The following USP6NL variants were observed in gnomAD, a reference collection of about 807,000 sequenced individuals.
USP6NL encodes the protein USP6 N-terminal-like protein.
USP6NL carries 26 observed loss-of-function variants against 61.9 expected under a neutral mutation model. That is an observed-to-expected ratio of 0.42 (90% CI 0.31 to 0.58). USP6NL has a LOEUF of 0.58. Among genes scored for constraint, USP6NL ranks in the 20% least tolerant of loss-of-function variants. USP6NL has a pLI of 0.16. For missense variants in USP6NL, 1,114 were observed against 1,034.3 expected (o/e 1.08, Z -1.06); for synonymous variants, 432 against 390.1 (o/e 1.11, Z -1.27).
At chr10:11,531,929 A>T (rs1396836763) in intron 2 of USP6NL, among the ~76,000 whole-genome samples, 1 of 152,208 alleles carries the variant, frequency 6.6e-6, no homozygotes, top group Non-Finnish European at 1.5e-5. Context: ...TTCTAAGATG[A>T]CCTGTTTTTC....
At position 11,585,629 on chromosome 10, in the gene USP6NL, C is replaced by T. The variant is rs147427694; in HGVS notation, c.4+12002G>A. Among the ~76,000 whole-genome samples the T allele has an allele frequency of 9.9e-5, 15 of 152,098 alleles. No individual in the cohort carries two copies. Among genetic ancestry groups the T allele is most frequent in the African/African-American group, 3.4e-4 (14 of 41,494 alleles). Reference sequence around the variant, plus strand: ...GTGAGCCGTGATCAAGGACACTGCACTCCAGCCTGGGAAACAGAGTGAGAC... The same window carrying T: ...GTGAGCCGTGATCAAGGACACTGCATTCCAGCCTGGGAAACAGAGTGAGAC... On this transcript the variant is annotated intron_variant, in intron 2 of 14. Coordinates refer to ENST00000609104, the MANE Select transcript of USP6NL (RefSeq NM_014688.5). The surrounding 1 kb of genome is among the most constrained non-coding windows in gnomAD (Gnocchi z 4.5).
chr10:11,498,235 CAAA>C lies in USP6NL; in HGVS notation c.384+2863_384+2865del, dbSNP rs11341542. 4.5e-3 allele frequency among the ~76,000 whole-genome samples: 173 copies of C among 38,794 alleles called. 1 individual carries two copies. The highest frequency in any genetic ancestry group is 0.02 in the Middle Eastern group (1 of 50). 25.5% of individuals were successfully genotyped at this position (38,794 alleles called of 152,430 possible). A position where few individuals can be genotyped will look rare whatever the true frequency, so the allele number is the denominator to read the frequency against. On this transcript the variant is annotated intron_variant, in intron 7 of 14. Coordinates refer to ENST00000609104, the MANE Select transcript of USP6NL (RefSeq NM_014688.5). The stretch of plus-strand genomic sequence containing the variant: ...TGGGCAACAGAGTGACACTCTGTCT[CAAA>C]AAAAAAAAAAAAAAAAAAAAAAATT...
In USP6NL at chr10:11,525,065, G is replaced by C. The variant is rs147063526; in HGVS notation, c.155+321C>G. 6.6e-6 allele frequency among the ~76,000 whole-genome samples: 1 copy of C among 152,100 alleles called. No homozygotes were observed. Among genetic ancestry groups the C allele is most frequent in the African/African-American group, 2.4e-5 (1 of 41,494 alleles). ...TGCTATTTATTTTTAAAATGCGCTG[G>C]TACAGAATGAAATGTTTTATAATTA... On this transcript the variant is annotated intron_variant, in intron 4 of 14. Transcript: ENST00000609104. The surrounding 1 kb of genome is among the most constrained non-coding windows in gnomAD (Gnocchi z 5.0).
Position 11,476,681 on chromosome 10 carries a change from C to G in USP6NL, c.1078+5089G>C, listed in dbSNP as rs1832979625. On this transcript the variant is annotated intron_variant, in intron 14 of 14. Transcript: ENST00000609104. This position sits in a 1 kb window ranked among gnomAD's most constrained non-coding sequence, Gnocchi z 4.3. ...ACACAAAAACCCCCACAAAACTCCT[C>G]TTCACACAAATCTAGTCAATGAAAA... 6.6e-6 allele frequency among the ~76,000 whole-genome samples: 1 copy of G among 152,102 alleles called. No individual in the cohort carries two copies. Among genetic ancestry groups the G allele is most frequent in the African/African-American group, 2.4e-5 (1 of 41,398 alleles).
At chr10:11,566,009 C>T (rs545519025) in intron 2 of USP6NL, among the ~76,000 whole-genome samples, 5 of 152,058 alleles carry the variant, frequency 3.3e-5, no homozygotes, top group Admixed American at 6.6e-5. Context: ...AGTTTATATG[C>T]CATTGGAAGA....
In USP6NL at chr10:11,598,541, T is replaced by C. The variant is rs1838403874; in HGVS notation, c.-83-824A>G. On this transcript the variant is annotated intron_variant, in intron 1 of 14. Transcript: ENST00000609104. This position sits in a 1 kb window ranked among gnomAD's most constrained non-coding sequence, Gnocchi z 4.7. The stretch of plus-strand genomic sequence containing the variant: ...TTAATGCTATATTTAAACATAACCA[T>C]GGATGCACAAATGCCTACCTAAATC... 6.6e-6 allele frequency among the ~76,000 whole-genome samples: 1 copy of C among 152,214 alleles called. No individual in the cohort carries two copies. Among genetic ancestry groups the C allele is most frequent in the Non-Finnish European group, 1.5e-5 (1 of 68,036 alleles).
At chr10:11,558,778 A>T (rs1836813910) in intron 2 of USP6NL, among the ~76,000 whole-genome samples, 1 of 152,170 alleles carries the variant, frequency 6.6e-6, no homozygotes, top group Non-Finnish European at 1.5e-5. Context: ...ACTCAAACAG[A>T]TCCATCCCTC....
chr10:11,594,671 G>A (rs1437124185), intron 2 of USP6NL, among the ~76,000 whole-genome samples: 1 of 152,014 alleles, frequency 6.6e-6, no homozygotes, highest in Admixed American at 6.5e-5. Flanking sequence ...GCTTTGTCTC[G>A]GGCCACACTC....
In USP6NL at chr10:11,499,579, T is replaced by C. The variant is rs914158303; in HGVS notation, c.384+1522A>G. Among the ~76,000 whole-genome samples, 1 of 151,950 alleles carries C rather than the reference T, an allele frequency of 6.6e-6. No homozygotes were observed. Among genetic ancestry groups the C allele is most frequent in the Non-Finnish European group, 1.5e-5 (1 of 67,998 alleles). On this transcript the variant is annotated intron_variant, in intron 7 of 14. Transcript: ENST00000609104. This position sits in a 1 kb window ranked among gnomAD's most constrained non-coding sequence, Gnocchi z 4.5. ...GGATGAGGGTGGACCCTACATGCAA[T>C]AACTATTGTCCCTATCAGGAAAGAC...
rs781743530 is a variant in USP6NL, at chr10:11,501,112, C to T, written c.373G>A (p.Asp125Asn). Residue 125 changes from aspartate to asparagine, a missense_variant, in exon 7 of 15, where the codon GAC becomes AAC. By Grantham distance (23) the Asp-to-Asn change is conservative (BLOSUM62 1). Coordinates refer to ENST00000609104, the MANE Select transcript of USP6NL (RefSeq NM_014688.5). ...EIPKMKEETR[D>N]LYSKLKHRAR... ...CTTTAGCTACTCACACTATACAGGT[C>T]CCTTGTTTCTTCTTTCATTTTAGGG... 1 of 1,610,784 alleles carries T rather than the reference C, an allele frequency of 6.2e-7. No homozygotes were observed. The highest frequency in any genetic ancestry group is 8.5e-7 in the Non-Finnish European group (1 of 1,178,642).
rs1588427280 is a variant in USP6NL, at chr10:11,604,799, T to C, written c.-84+6644A>G. On this transcript the variant is annotated intron_variant, in intron 1 of 14. Coordinates refer to ENST00000609104, the MANE Select transcript of USP6NL (RefSeq NM_014688.5). ...TCTGCTTTAAAAATTAGTGTACTGC[T>C]TCACAATCAGACCCTTCTACCTAAG... 2.0e-5 allele frequency among the ~76,000 whole-genome samples: 3 copies of C among 152,304 alleles called. No homozygotes were observed. In the East Asian group the frequency reaches 5.8e-4, roughly 29 times the overall value.
In USP6NL at chr10:11,573,267, A is replaced by C. The variant is rs143697494; in HGVS notation, c.4+24364T>G. 1.6e-4 allele frequency among the ~76,000 whole-genome samples: 25 copies of C among 152,334 alleles called. No individual in the cohort carries two copies. The East Asian group carries it at 4.8e-3, about 29-fold the overall frequency. On this transcript the variant is annotated intron_variant, in intron 2 of 14. Transcript: ENST00000609104. ...ATGAATATTTATATTTTAAAATTAAAAGAAATGAGGATTACAAAAATTATT... is the reference window on the plus strand; with the variant it reads ...ATGAATATTTATATTTTAAAATTAACAGAAATGAGGATTACAAAAATTATT...
chr10:11,514,769 A>C (rs923278748), intron 5 of USP6NL, among the ~76,000 whole-genome samples: 1 of 152,196 alleles, frequency 6.6e-6, no homozygotes, highest in Non-Finnish European at 1.5e-5. Flanking sequence ...CTCACCAATG[A>C]AATTTTTATA....
intron 1 of USP6NL, among the ~76,000 whole-genome samples, chr10:11,605,082 A>T (rs561753180): frequency 6.6e-6 from 1 of 152,350 alleles, no homozygotes; most frequent in South Asian, 2.1e-4. Context: ...GAGGAAGGAT[A>T]TCAAACAGCT....
chr10:11,596,623 C>T lies in USP6NL; in HGVS notation c.4+1008G>A, dbSNP rs979138896. ...TGGGCGACAGAGGGAGACTCCGTCT[C>T]AAAAAAAAAAAAAAAAACTCTTTCT... On this transcript the variant is annotated intron_variant, in intron 2 of 14. Coordinates refer to ENST00000609104, the MANE Select transcript of USP6NL (RefSeq NM_014688.5). The surrounding 1 kb of genome is among the most constrained non-coding windows in gnomAD (Gnocchi z 4.1). Among the ~76,000 whole-genome samples, 1 of 63,300 alleles carries T rather than the reference C, an allele frequency of 1.6e-5. No homozygotes were observed. 41.5% of individuals were successfully genotyped at this position (63,300 alleles called of 152,430 possible). A position where few individuals can be genotyped will look rare whatever the true frequency, so the allele number is the denominator to read the frequency against.
chr10:11,581,659 T>C (rs759607458), intron 2 of USP6NL, among the ~76,000 whole-genome samples: 3 of 152,274 alleles, frequency 2.0e-5, no homozygotes, highest in Non-Finnish European at 2.9e-5. Flanking sequence ...AAAGAGACTG[T>C]AGGATATTAA....
chr10:11,460,654 T>TATATATATATATATAA lies in USP6NL; in HGVS notation c.*1786_*1787insTTATATATATATATAT, dbSNP rs879066038. 2 of 133,584 alleles carry TATATATATATATATAA rather than the reference T, an allele frequency of 1.5e-5. No homozygotes were observed. The highest frequency in any genetic ancestry group is 3.1e-5 in the Non-Finnish European group (2 of 64,356). 8.3% of individuals were successfully genotyped at this position (133,584 alleles called of 1,614,324 possible). On this transcript the variant is annotated 3_prime_UTR_variant, in exon 15 of 15. Coordinates refer to ENST00000609104, the MANE Select transcript of USP6NL (RefSeq NM_014688.5). ...ATATATATATATATATATATATATA[T>TATATATATATATATAA]AAAAATCTACAGTATTTACCACTGT...
Position 11,548,279 on chromosome 10 carries a change from G to A in USP6NL, c.5-20712C>T, listed in dbSNP as rs957213875. Among the ~76,000 whole-genome samples the A allele has an allele frequency of 1.3e-5, 2 of 152,056 alleles. No individual in the cohort carries two copies. Among genetic ancestry groups the A allele is most frequent in the South Asian group, 2.1e-4 (1 of 4,832 alleles). The stretch of plus-strand genomic sequence containing the variant: ...TGCCCCAAATTCAACATGATACCCC[G>A]GAAAAGGTTTGGTGGGAGAACAGCA... On this transcript the variant is annotated intron_variant, in intron 2 of 14. Coordinates refer to ENST00000609104, the MANE Select transcript of USP6NL (RefSeq NM_014688.5). This position sits in a 1 kb window ranked among gnomAD's most constrained non-coding sequence, Gnocchi z 4.3.
At chr10:11,549,658 C>A (rs562031761) in intron 2 of USP6NL, among the ~76,000 whole-genome samples, 26 of 152,240 alleles carry the variant, frequency 1.7e-4, no homozygotes, top group Admixed American at 1.4e-3. Flanking sequence ...ATCCAATTTT[C>A]CTTTCAGTCT....
Sources: gnomAD v4.1 joint callset for allele counts (sites outside exome capture counted in the v4.1 genomes callset) on GRCh38, gnomAD v4.1.1 for gene constraint, Gnocchi (gnomAD v3.1) non-coding constraint, MANE v1.5 for transcripts, NCBI Gene and HGNC (gene_info 2026-07-23, HGNC 2026-07-21) for gene names.